LYST: variants seen among roughly 807,000 people sequenced by gnomAD.
The protein encoded by LYST is lysosomal trafficking regulator.
A neutral mutation model predicts 413.6 loss-of-function variants in LYST; 192 were observed. That is an observed-to-expected ratio of 0.46 (90% CI 0.41 to 0.52). The LOEUF (loss-of-function observed/expected upper bound fraction) is 0.52. LYST is among the 20% of genes least tolerant of loss of function. The pLI is 0.00. For missense variants in LYST, 3,815 were observed against 4,499.9 expected, an observed-to-expected ratio of 0.85 and a Z score of 4.35; for synonymous variants, 1,525 against 1,567.3, an observed-to-expected ratio of 0.97 and a Z score of 0.64.
rs114177384 is a variant in LYST at position 235,876,841 on chromosome 1, A to C, written n.454+6346T>G. On this transcript the variant is annotated intron_variant and non_coding_transcript_variant, in intron 1 of 11. Transcript: ENST00000465349. ...TCCACTTTAAGCCTAAGCTATGTTT[A>C]TGACTAGAATTTAGATGGTACGAGT... Among the ~76,000 whole-genome samples, 1,254 of 152,356 alleles carry C rather than the reference A, an allele frequency of 8.2e-3. 10 individuals are homozygous for C. The highest frequency in any genetic ancestry group is 0.012 in the South Asian group (57 of 4,830).
At chr1:235,663,914 TA>T in intron 52 of LYST, 69 bp downstream of exon 52, 1 of 1,289,766 alleles carries the variant, frequency 7.8e-7, no homozygotes, top group Non-Finnish European at 1.1e-6. Context: ...TCTGTGTGCT[TA>T]AATACCTCTC....
chr1:235,830,764 C>T (rs994367672), intron 2 of LYST, among the ~76,000 whole-genome samples: 5 of 152,074 alleles, frequency 3.3e-5, no homozygotes, highest in African/African-American at 1.2e-4. Context: ...ATAAAATGTT[C>T]TTGCTTTATA....
chr1:235,848,826 G>A (rs1678191803), intron 1 of LYST, among the ~76,000 whole-genome samples: 1 of 151,780 alleles, frequency 6.6e-6, no homozygotes, highest in Non-Finnish European at 1.5e-5. Flanking sequence ...GCTTAAATCA[G>A]GAAGAATGAG....
upstream of LYST, among the ~76,000 whole-genome samples, chr1:235,867,395 A>G (rs1396951360): frequency 1.3e-5 from 2 of 152,338 alleles, no homozygotes; most frequent in South Asian, 2.1e-4. Context: ...AGAGGGAGAA[A>G]GGGTTACCCA....
chr1:235,874,614 T>C (rs1022408230), intron 1 of LYST, among the ~76,000 whole-genome samples: 3 of 152,236 alleles, frequency 2.0e-5, no homozygotes, highest in African/African-American at 7.2e-5. Flanking sequence ...AACATTTTTT[T>C]CATAAAGCTA....
intron 14 of LYST, among the ~76,000 whole-genome samples, chr1:235,785,347 C>T (rs1189148812): frequency 6.6e-6 from 1 of 152,130 alleles, no homozygotes; most frequent in East Asian, 1.9e-4. Context: ...TTGTCTGATT[C>T]CTCATCAGAC....
At position 235,661,049 on chromosome 1, in the gene LYST, T is replaced by C. The variant is rs1338547878; in HGVS notation, c.*1891A>G. The C allele has an allele frequency of 6.6e-6, 1 of 152,642 alleles. No individual in the cohort carries two copies. The highest frequency in any genetic ancestry group is 2.4e-5 in the African/African-American group (1 of 41,458). 9.5% of individuals were successfully genotyped at this position (152,642 alleles called of 1,614,324 possible). ...GAAGAGGTGTTTACATCTATTTTTA[T>C]GAAATTTATTTCCAAATTGAAGAGG... On this transcript the variant is annotated 3_prime_UTR_variant, in exon 53 of 53. Coordinates refer to ENST00000389793, the MANE Select transcript of LYST (RefSeq NM_000081.4).
intron 1 of LYST, among the ~76,000 whole-genome samples, chr1:235,851,965 T>C (rs1276620815): frequency 6.6e-6 from 1 of 152,256 alleles, no homozygotes; most frequent in Non-Finnish European, 1.5e-5. Flanking sequence ...CTACTCACCA[T>C]ACTTCGTGGT....
intron 13 of LYST, among the ~76,000 whole-genome samples, chr1:235,788,103 T>C (rs1236452634): frequency 6.6e-6 from 1 of 152,196 alleles, no homozygotes; most frequent in Non-Finnish European, 1.5e-5. Context: ...CAGTATTTGA[T>C]CTAAAATCAA....
intron 1 of LYST, among the ~76,000 whole-genome samples, chr1:235,864,547 C>T (rs539665440): frequency 1.3e-5 from 2 of 152,268 alleles, no homozygotes; most frequent in South Asian, 2.1e-4. Context: ...GCAACAGTTC[C>T]GGATTGGTAT....
chr1:235,720,173 CAAAAAAAAAAAA>C (rs71576484), intron 40 of LYST, among the ~76,000 whole-genome samples: 8 of 9,474 alleles, frequency 8.4e-4, no homozygotes, highest in Admixed American at 5.8e-3. Flanking sequence ...GACTCTGTCT[CAAAAAAAAAAAA>C]AAAAAAAAAA....
rs71174466 is a variant in LYST, at chr1:235,882,078, TCACA to T, written n.454+1105_454+1108del. 4.7e-3 allele frequency among the ~76,000 whole-genome samples: 682 copies of T among 145,826 alleles called. 1 individual carries two copies. The highest frequency in any genetic ancestry group is 0.011 in the African/African-American group (438 of 38,972). On this transcript the variant is annotated intron_variant and non_coding_transcript_variant, in intron 1 of 11. Transcript: ENST00000465349. Reference sequence around the variant, plus strand: ...CACATACACACACACACTCTTTCTTTCACACACACACACACACACACACACACAC... The same window carrying T: ...CACATACACACACACACTCTTTCTTTCACACACACACACACACACACACAC...
intron 8 of LYST, among the ~76,000 whole-genome samples, chr1:235,802,389 T>A (rs146710086): frequency 6.6e-6 from 1 of 152,196 alleles, no homozygotes; most frequent in Non-Finnish European, 1.5e-5. Context: ...CAAATTGAGC[T>A]GTGGTAAACT....
intron 24 of LYST, among the ~76,000 whole-genome samples, chr1:235,756,548 A>T (rs569388699): frequency 6.6e-6 from 1 of 152,298 alleles, no homozygotes; most frequent in East Asian, 1.9e-4. Context: ...ATTGCAAGTG[A>T]TTAAACAATA....
chr1:235,677,453 G>T, intron 49 of LYST, 27 bp downstream of exon 49: 4 of 1,610,920 alleles, frequency 2.5e-6, no homozygotes, highest in Non-Finnish European at 3.4e-6. Flanking sequence ...AAAATGCTAT[G>T]TTTGATTTGG....
intron 40 of LYST, among the ~76,000 whole-genome samples, chr1:235,717,920 G>C (rs528104140): frequency 6.6e-6 from 1 of 151,162 alleles, no homozygotes; most frequent in Non-Finnish European, 1.5e-5. Flanking sequence ...CTGGAGTGAA[G>C]TGGCGTGATC....
intron 3 of LYST, among the ~76,000 whole-genome samples, chr1:235,822,210 T>C (rs182821043): frequency 1.3e-3 from 198 of 152,248 alleles, no homozygotes; most frequent in African/African-American, 4.6e-3. Context: ...TATGGGCTAA[T>C]TGTTATAGAA....
intron 10 of LYST, 74 bp downstream of exon 10, chr1:235,800,246 G>A: frequency 9.8e-7 from 1 of 1,019,858 alleles, no homozygotes; most frequent in South Asian, 1.3e-5. Flanking sequence ...CACCACACCT[G>A]GCCAGAAGCC....
At chr1:235,698,603 G>A (rs1190083753) in intron 45 of LYST, among the ~76,000 whole-genome samples, 1 of 152,112 alleles carries the variant, frequency 6.6e-6, no homozygotes, top group East Asian at 1.9e-4. Context: ...CGGGCGCGGT[G>A]GCTCAAGCCT....
Sources: gnomAD v4.1 joint callset for allele counts (sites outside exome capture counted in the v4.1 genomes callset) on GRCh38, gnomAD v4.1.1 for gene constraint, MANE v1.5 for transcripts, NCBI Gene and HGNC (gene_info 2026-07-23, HGNC 2026-07-21) for gene names.